GPHN: variants seen among roughly 807,000 people sequenced by gnomAD.
GPHN encodes the protein gephyrin.
A neutral mutation model predicts 95.5 loss-of-function variants in GPHN; 17 were observed. The observed-to-expected ratio is 0.18, with a 90% CI of 0.12 to 0.27. The LOEUF (loss-of-function observed/expected upper bound fraction) is 0.27. Among genes scored for constraint, GPHN ranks in the 10% least tolerant of loss-of-function variants. The probability of loss-of-function intolerance (pLI) is 1.00; values close to 1 mark genes in which losing one functional copy is unlikely to be tolerated. For synonymous variants in GPHN, 320 were observed against 322.5 expected (o/e 0.99, Z 0.08); for missense variants, 660 against 978.1 (o/e 0.67, Z 4.34).
At position 67,172,260 on chromosome 14, in the gene GPHN, G is replaced by T. The variant is rs187276688; in HGVS notation, c.2079+3224G>T. 2.9e-3 allele frequency among the ~76,000 whole-genome samples: 448 copies of T among 152,118 alleles called. 2 individuals are homozygous for T. Among genetic ancestry groups the T allele is most frequent in the South Asian group, 0.013 (64 of 4,806 alleles). On this transcript the variant is annotated intron_variant, in intron 21 of 22. Coordinates refer to ENST00000478722, the MANE Select transcript of GPHN (RefSeq NM_020806.5). ...TACTCCACCCAGCCCGCCGCCCGCC[G>T]CATCCCCCTCAGCCAGAGCTAAAGC... is the stretch of plus-strand genomic sequence containing the variant.
At chr14:66,894,458 A>C (rs534107402) in intron 5 of GPHN, among the ~76,000 whole-genome samples, 1 of 152,222 alleles carries the variant, frequency 6.6e-6, no homozygotes, top group African/African-American at 2.4e-5. Context: ...ATGGGCAAAG[A>C]CTTCATGTCT....
In GPHN at chr14:66,645,588, A is replaced by C. The variant is rs555362364; in HGVS notation, c.65-35519A>C. ...GCACTTGCAATCCCAGCTACTTGAG[A>C]GGCTGAGGCACAAGAATTGCTTGAA... On this transcript the variant is annotated intron_variant, in intron 1 of 22. Coordinates refer to ENST00000478722, the MANE Select transcript of GPHN (RefSeq NM_020806.5). 2.8e-4 allele frequency among the ~76,000 whole-genome samples: 43 copies of C among 151,580 alleles called. 2 individuals carry two copies. The South Asian group carries it at 4.6e-3, about 16-fold the overall frequency.
the GPHN span, chr14:67,562,372 G>A: frequency 2.5e-6 from 4 of 1,613,630 alleles, no homozygotes; most frequent in South Asian, 4.4e-5. Context: ...TCCATTCTGG[G>A]GAAACAGTAG....
the GPHN span, among the ~76,000 whole-genome samples, chr14:67,299,779 C>T: frequency 3.9e-5 from 6 of 152,114 alleles, no homozygotes; most frequent in Non-Finnish European, 8.8e-5. Context: ...TAGGAACTGA[C>T]TTAAAAGTGG....
At chr14:66,945,481 G>A (rs1298308046) in intron 8 of GPHN, among the ~76,000 whole-genome samples, 1 of 152,168 alleles carries the variant, frequency 6.6e-6, no homozygotes, top group East Asian at 1.9e-4. Context: ...GGAAGAAAGT[G>A]TGGGAGGGGG....
At chr14:67,586,028 A>C in the GPHN span, 3 of 1,613,896 alleles carry the variant, frequency 1.9e-6, no homozygotes, top group Non-Finnish European at 2.5e-6. Context: ...TTGTGATTAG[A>C]TCTATCCCAG....
the GPHN span, among the ~76,000 whole-genome samples, chr14:67,252,191 A>T: frequency 1.3e-5 from 2 of 151,992 alleles, no homozygotes; most frequent in African/African-American, 2.4e-5. Flanking sequence ...TTATTTATTT[A>T]TTTTTTGTTT....
intron 9 of GPHN, among the ~76,000 whole-genome samples, chr14:66,997,880 G>A (rs867237938): frequency 6.6e-6 from 1 of 152,142 alleles, no homozygotes. Flanking sequence ...TGAAAGAGAA[G>A]GTTGGTATCA....
At chr14:67,330,157 T>TAATA in the GPHN span, among the ~76,000 whole-genome samples, 1 of 139,422 alleles carries the variant, frequency 7.2e-6, no homozygotes, top group Non-Finnish European at 1.6e-5. Flanking sequence ...TAATAATAAT[T>TAATA]ATTATTATTA....
chr14:67,400,993 A>AAATAATAAT, the GPHN span, among the ~76,000 whole-genome samples: 2 of 150,674 alleles, frequency 1.3e-5, no homozygotes, highest in African/African-American at 4.9e-5. Flanking sequence ...CTGCCTCTTA[A>AAATAATAAT]AATAATAATA....
chr14:67,144,250 A>AAAAT (rs1168342196), intron 18 of GPHN, among the ~76,000 whole-genome samples: 218 of 57,736 alleles, frequency 3.8e-3, no homozygotes, highest in Middle Eastern at 9.4e-3. Flanking sequence ...AAAAAAAAAA[A>AAAAT]ATATATATAT....
intron 8 of GPHN, among the ~76,000 whole-genome samples, chr14:66,931,683 C>T (rs941532159): frequency 3.3e-5 from 5 of 152,156 alleles, no homozygotes; most frequent in African/African-American, 1.2e-4. Context: ...ATTCAGTTTT[C>T]AGCTCCAGAA....
intron 11 of GPHN, among the ~76,000 whole-genome samples, chr14:67,069,288 A>G (rs1159423391): frequency 1.3e-5 from 2 of 152,158 alleles, no homozygotes; most frequent in Non-Finnish European, 2.9e-5. Context: ...CTCTCCTAAC[A>G]TGGGGATTCT....
chr14:66,890,343 G>A (rs1390821670), intron 5 of GPHN, among the ~76,000 whole-genome samples: 1 of 151,070 alleles, frequency 6.6e-6, no homozygotes, highest in Non-Finnish European at 1.5e-5. Context: ...AGGAGGTAGA[G>A]GCCACACAGT....
chr14:66,913,010 A>C (rs1274884715), intron 5 of GPHN, among the ~76,000 whole-genome samples: 1 of 152,174 alleles, frequency 6.6e-6, no homozygotes, highest in East Asian at 1.9e-4. Flanking sequence ...GATACAGATT[A>C]CTGGACCCCA....
At chr14:67,677,070 C>T in the GPHN span, 1 of 152,238 alleles carries the variant, frequency 6.6e-6, no homozygotes, top group Non-Finnish European at 1.5e-5. Context: ...ACTCTTTCCC[C>T]CACCAAAGTT....
the GPHN span, among the ~76,000 whole-genome samples, chr14:67,187,545 A>G: frequency 6.6e-6 from 1 of 152,218 alleles, no homozygotes; most frequent in Non-Finnish European, 1.5e-5. Flanking sequence ...TGCTCTCAGA[A>G]TGATCAATTC....
the GPHN span, among the ~76,000 whole-genome samples, chr14:67,553,577 G>A: frequency 6.6e-6 from 1 of 152,160 alleles, no homozygotes; most frequent in Non-Finnish European, 1.5e-5. Context: ...GAATCTGGCT[G>A]GTCCAGTTAG....
At chr14:66,720,187 T>G (rs1028788451) in intron 2 of GPHN, among the ~76,000 whole-genome samples, 1 of 152,188 alleles carries the variant, frequency 6.6e-6, no homozygotes, top group Non-Finnish European at 1.5e-5. Flanking sequence ...ATCTCATTTA[T>G]TTGTACAGTA....
Sources: allele counts gnomAD v4.1 joint callset (sites outside exome capture counted in the v4.1 genomes callset), GRCh38; gene constraint gnomAD v4.1.1; transcripts MANE v1.5; gene names NCBI Gene and HGNC (gene_info 2026-07-23, HGNC 2026-07-21).